ASXL2: variants seen among roughly 807,000 people sequenced by gnomAD.
The protein encoded by ASXL2 is ASXL transcriptional regulator 2, also known as putative Polycomb group protein ASXL2.
ASXL2 carries 23 observed loss-of-function variants against 122.0 expected under a neutral mutation model. The observed-to-expected ratio is 0.19, with a 90% confidence interval of 0.14 to 0.27. The LOEUF (loss-of-function observed/expected upper bound fraction) is 0.27. Among genes scored for constraint, ASXL2 ranks in the 10% least tolerant of loss-of-function variants. ASXL2 has a pLI of 1.00. For missense variants in ASXL2, 1,518 were observed against 1,713.8 expected, an observed-to-expected ratio of 0.89 and a Z score of 2.02; for synonymous variants, 650 against 637.0, an observed-to-expected ratio of 1.02 and a Z score of -0.31.
At chr2:25,877,468 T>C (rs986069699) in intron 1 of ASXL2, among the ~76,000 whole-genome samples, 2 of 152,174 alleles carry the variant, frequency 1.3e-5, no homozygotes, top group African/African-American at 4.8e-5. Flanking sequence ...ACCATCCCTT[T>C]GGCTAGGGTA....
intron 5 of ASXL2, among the ~76,000 whole-genome samples, chr2:25,779,067 G>T: frequency 6.7e-6 from 1 of 149,232 alleles, no homozygotes; most frequent in Middle Eastern, 3.4e-3. Context: ...AGATCACAGA[G>T]CTGTCACTTT....
chr2:25,802,238 T>C (rs554224794), intron 4 of ASXL2, among the ~76,000 whole-genome samples: 3 of 152,336 alleles, frequency 2.0e-5, no homozygotes, highest in Admixed American at 1.3e-4. Flanking sequence ...TATTTCTCTA[T>C]ATTATCACAT....
At chr2:25,810,653 C>G in intron 3 of ASXL2, 1 of 776,262 alleles carries the variant, frequency 1.3e-6, no homozygotes, top group East Asian at 3.2e-5. Context: ...GTGATCCCAG[C>G]CATGGTGCCC....
At chr2:25,871,740 C>T (rs1256779235) in intron 1 of ASXL2, among the ~76,000 whole-genome samples, 4 of 152,110 alleles carry the variant, frequency 2.6e-5, no homozygotes, top group African/African-American at 4.8e-5. Context: ...TACAGGCATG[C>T]GCCACCCACA....
chr2:25,800,626 T>G (rs2088982345), intron 4 of ASXL2, among the ~76,000 whole-genome samples: 1 of 152,158 alleles, frequency 6.6e-6, no homozygotes, highest in Admixed American at 6.5e-5. Flanking sequence ...ATGTGAGAGA[T>G]ATAATAACAG....
rs183570859 is a variant in ASXL2, at chr2:25,757,366, C to T, written c.940-1252G>A. Among the ~76,000 whole-genome samples, 552 of 151,304 alleles carry T rather than the reference C, an allele frequency of 3.6e-3. 4 individuals carry two copies. The highest frequency in any genetic ancestry group is 3.7e-3 in the Non-Finnish European group (254 of 67,842). ...CTATTAAGAATACCCTGGCTGGGCG[C>T]GGTGGCTCACATCTGTAATCCCAGC... is the stretch of plus-strand genomic sequence containing the variant. On this transcript the variant is annotated intron_variant, in intron 9 of 12. Coordinates refer to ENST00000435504, the MANE Select transcript of ASXL2 (RefSeq NM_018263.6).
intron 2 of ASXL2, among the ~76,000 whole-genome samples, chr2:25,841,587 C>T (rs536136814): frequency 6.6e-6 from 1 of 152,146 alleles, no homozygotes; most frequent in South Asian, 2.1e-4. Flanking sequence ...TAGCTCATGC[C>T]TGTAATCCCT....
chr2:25,754,725 G>A (rs928881213), intron 10 of ASXL2, among the ~76,000 whole-genome samples: 4 of 151,780 alleles, frequency 2.6e-5, no homozygotes, highest in Admixed American at 6.6e-5. Flanking sequence ...TATCATTGCT[G>A]ACAGTACCTA....
chr2:25,765,714 C>T (rs2088335883), intron 8 of ASXL2, among the ~76,000 whole-genome samples: 2 of 152,078 alleles, frequency 1.3e-5, no homozygotes, highest in South Asian at 4.1e-4. Flanking sequence ...TTTTGTACCT[C>T]TACATTTCTT....
intron 11 of ASXL2, among the ~76,000 whole-genome samples, chr2:25,750,646 TCTTTA>T (rs913935111): frequency 6.6e-5 from 10 of 152,236 alleles, no homozygotes; most frequent in Admixed American, 3.9e-4. Flanking sequence ...TGACTAGCCT[TCTTTA>T]CTTCAGTTTC....
At chr2:25,791,254 C>T (rs1209961327) in intron 5 of ASXL2, among the ~76,000 whole-genome samples, 4 of 151,814 alleles carry the variant, frequency 2.6e-5, no homozygotes, top group East Asian at 3.9e-4. Flanking sequence ...TTTGGGAGCC[C>T]GAGGCAAGCA....
At chr2:25,825,410 A>G (rs900209424) in intron 3 of ASXL2, among the ~76,000 whole-genome samples, 4 of 152,204 alleles carry the variant, frequency 2.6e-5, no homozygotes, top group African/African-American at 9.7e-5. Flanking sequence ...TTCATCTTAC[A>G]AAACGGAAAC....
At position 25,750,232 on chromosome 2, in the gene ASXL2, C is replaced by T. The variant is rs1377744347; in HGVS notation, c.1324G>A (p.Gly442Ser). 6.2e-7 allele frequency: 1 copy of T among 1,613,824 alleles called. No homozygotes were observed. Residue 442 changes from glycine to serine, a missense_variant, in exon 12 of 13, where the codon GGC (glycine) becomes AGC (serine). Physicochemically the swap from Gly to Ser is moderately conservative, Grantham distance 56 (BLOSUM62 0). Transcript: ENST00000435504. ...TGGCTTTCACACTCTTCTTTTCTGCCTGGTGATGACATTTGCAATGCTTCT... is the reference window on the plus strand; with the variant it reads ...TGGCTTTCACACTCTTCTTTTCTGCTTGGTGATGACATTTGCAATGCTTCT... ...KEEALQMSSPGRKEECESQGE... is the reference protein window; with the variant it reads ...KEEALQMSSPSRKEECESQGE...
chr2:25,794,581 A>C (rs912101782), intron 5 of ASXL2, among the ~76,000 whole-genome samples: 1 of 152,228 alleles, frequency 6.6e-6, no homozygotes. Flanking sequence ...AGAAATCAAT[A>C]AACTAGTTTT....
intron 5 of ASXL2, among the ~76,000 whole-genome samples, chr2:25,777,747 T>C (rs1000829506): frequency 3.9e-5 from 6 of 152,158 alleles, no homozygotes; most frequent in African/African-American, 1.2e-4. Flanking sequence ...ACTGTACTAG[T>C]TCATTTTAAC....
intron 12 of ASXL2, among the ~76,000 whole-genome samples, chr2:25,747,737 T>G (rs1331191115): frequency 6.6e-6 from 1 of 152,092 alleles, no homozygotes; most frequent in African/African-American, 2.4e-5. Flanking sequence ...AAGAAAAGTT[T>G]CTAATATTTT....
At position 25,743,681 on chromosome 2, in the gene ASXL2, G is replaced by A. The variant is rs778007473; in HGVS notation, c.2656C>T (p.Pro886Ser). The change falls in exon 13 of 13, where the codon CCT becomes TCT. Residue 886 changes from proline (P) to serine (S), a missense_variant. Pro to Ser is a moderately conservative substitution (Grantham distance 74). Around this residue, in one of 8 missense-constraint regions of ASXL2, gnomAD observed 831 missense variants for 833.1 expected, o/e 1.00. Coordinates refer to ENST00000435504, the MANE Select transcript of ASXL2 (RefSeq NM_018263.6). ...ASVPVAVTPS[P>S]LTSLLTTATL... ...GCTGTGGTCAATAAAGATGTTAAAG[G>A]GGAGGGAGTTACAGCCACTGGCACA... 3.7e-6 allele frequency: 6 copies of A among 1,613,872 alleles called. No homozygotes were observed. The highest frequency in any genetic ancestry group is 5.1e-6 in the Non-Finnish European group (6 of 1,179,902).
chr2:25,776,784 C>G (rs1422640118), intron 5 of ASXL2, among the ~76,000 whole-genome samples: 1 of 152,088 alleles, frequency 6.6e-6, no homozygotes, highest in Non-Finnish European at 1.5e-5. Flanking sequence ...CTCGCCTACC[C>G]CAAATACTGC....
rs2088128355 is a variant in ASXL2, at chr2:25,756,134, A to G, written c.940-20T>C. ...ACCAACCTGGGTCAAAGAATAAGCC[A>G]AGGAAAGCTTACAAAGAAAGTGAAA... On this transcript the variant is annotated intron_variant, in intron 9 of 12. Transcript: ENST00000435504. 1 of 1,506,856 alleles carries G rather than the reference A, an allele frequency of 6.6e-7. No homozygotes were observed. Among genetic ancestry groups the G allele is most frequent in the African/African-American group, 1.4e-5 (1 of 70,122 alleles). 93.3% of individuals were successfully genotyped at this position (1,506,856 alleles called of 1,614,324 possible). A position where few individuals can be genotyped will look rare whatever the true frequency, so the allele number is the denominator to read the frequency against.
Sources: gnomAD v4.1 joint callset for allele counts (sites outside exome capture counted in the v4.1 genomes callset) on GRCh38, gnomAD v4.1.1 for gene constraint, gnomAD v4.1.1 regional missense constraint, MANE v1.5 for transcripts, NCBI Gene and HGNC (gene_info 2026-07-23, HGNC 2026-07-21) for gene names.